Variants in C1orf54 observed in about 807,000 individuals in gnomAD.
C1orf54 encodes the protein chromosome 1 open reading frame 54, also known as uncharacterized protein C1orf54.
In C1orf54, 12 loss-of-function variants were observed where a neutral mutation model predicts 14.7. That is an observed-to-expected ratio of 0.82 (90% CI 0.52 to 1.32). The LOEUF is 1.32. Ranked by LOEUF, C1orf54 falls within the 40% of genes most tolerant of loss-of-function variation. The pLI is 0.00. For synonymous variants in C1orf54, 65 were observed against 56.3 expected, an observed-to-expected ratio of 1.16 and a Z score of -0.70; for missense variants, 163 against 162.2, an observed-to-expected ratio of 1.00 and a Z score of -0.03.
At chr1:150,275,831 A>G in intron 3 of C1orf54, 32 bp downstream of exon 3, 2 of 1,570,612 alleles carry the variant, frequency 1.3e-6, no homozygotes, top group Non-Finnish European at 1.7e-6. Context: ...AAGGGTTAGG[A>G]TAAGTAACAA....
intron 3 of C1orf54, among the ~76,000 whole-genome samples, chr1:150,276,068 G>A (rs193099908): frequency 7.0e-4 from 107 of 152,050 alleles, no homozygotes; most frequent in Non-Finnish European, 9.3e-4. Context: ...GAATCCGGGA[G>A]ATGGAGGACG....
chr1:150,273,219 G>A (rs1553851664), intron 1 of C1orf54, among the ~76,000 whole-genome samples: 2 of 152,124 alleles, frequency 1.3e-5, no homozygotes, highest in African/African-American at 4.8e-5. Flanking sequence ...TAGTAGTTAG[G>A]GTATCTCCTT....
rs1184888246 is a variant in C1orf54 at position 150,274,091 on chromosome 1, A to G, written c.51A>G (p.Gln17=). The change falls in exon 2 of 6, where the codon CAA becomes CAG. Residue 17 remains glutamine, a synonymous_variant. Transcript: ENST00000369099. ...AIFAVPLILG[Q]EYEDEERLGE... ...CTCTAGTCCTTGTCCCCATAGGACA[A>G]GAATATGAGGATGAAGAAAGACTGG... 1 of 1,610,184 alleles carries G rather than the reference A, an allele frequency of 6.2e-7. No individual in the cohort carries two copies. Among genetic ancestry groups the G allele is most frequent in the African/African-American group, 1.3e-5 (1 of 74,830 alleles).
chr1:150,272,965 G>A lies in C1orf54; in HGVS notation c.46+102G>A, dbSNP rs1267685886. 1.0e-5 allele frequency: 13 copies of A among 1,288,128 alleles called. No individual in the cohort carries two copies. The East Asian group carries it at 2.3e-4, about 23-fold the overall frequency. The allele number at this position is 1,288,128 out of a possible 1,614,324, so 79.8% of individuals were successfully genotyped here. A position where few individuals can be genotyped will look rare whatever the true frequency, so the allele number is the denominator to read the frequency against. ...TGGGTGAGAGGTACATTTCAGTGGG[G>A]AGCGATAGAGTTTTCTCATCGTGCT... On this transcript the variant is annotated intron_variant, in intron 1 of 5. Transcript: ENST00000369099.
chr1:150,269,149 T>A, upstream of C1orf54: 1 of 264,850 alleles, frequency 3.8e-6, no homozygotes, highest in African/African-American at 2.2e-5. Context: ...GGCCTTGACT[T>A]CGTCCTGGGA....
At position 150,279,630 on chromosome 1, in the gene C1orf54, G is replaced by A. The variant is rs200158990; in HGVS notation, c.301-13G>A. The A allele has an allele frequency of 1.2e-5, 19 of 1,603,964 alleles. No homozygotes were observed. The Middle Eastern group carries it at 8.3e-4, about 70-fold the overall frequency. On this transcript the variant is annotated splice_polypyrimidine_tract_variant and intron_variant, in intron 4 of 5. Transcript: ENST00000369099. ...CACCAGCCTACTGTGTGGGGATGTCGGTATTTTAGCAGAGTCCAGATCTGA... is the reference window on the plus strand; with the variant it reads ...CACCAGCCTACTGTGTGGGGATGTCAGTATTTTAGCAGAGTCCAGATCTGA...
chr1:150,269,770 G>A (rs892617142), upstream of C1orf54, among the ~76,000 whole-genome samples: 1 of 152,076 alleles, frequency 6.6e-6, no homozygotes, highest in South Asian at 2.1e-4. Context: ...GTGAATGAAA[G>A]TTAAAGTAGG....
chr1:150,274,599 C>CAAA lies in C1orf54; in HGVS notation c.130+439_130+441dup, dbSNP rs782444221. On this transcript the variant is annotated intron_variant, in intron 2 of 5. Coordinates refer to ENST00000369099, the MANE Select transcript of C1orf54 (RefSeq NM_024579.4). Reference sequence around the variant, plus strand: ...TGGGTGACAGAGCAAGACTCCATCTCAAAAAAAAAAAATGAAAAAAGATTT... The same window carrying CAAA: ...TGGGTGACAGAGCAAGACTCCATCTCAAAAAAAAAAAAAAATGAAAAAAGATTT... Among the ~76,000 whole-genome samples the CAAA allele has an allele frequency of 7.8e-3, 1,058 of 135,364 alleles. 9 individuals are homozygous for CAAA. The highest frequency in any genetic ancestry group is 0.012 in the African/African-American group (426 of 35,816). 88.8% of individuals were successfully genotyped at this position (135,364 alleles called of 152,430 possible).
In C1orf54 at chr1:150,275,800, G is replaced by C. The variant is rs1560043247; in HGVS notation, c.189+1G>C. ...CATATTTGAGTCAGAGGACAGGCTG[G>C]TGAGTGAACTCTACATCTAAAAGGG... On this transcript the variant is annotated splice_donor_variant, in intron 3 of 5. Coordinates refer to ENST00000369099, the MANE Select transcript of C1orf54 (RefSeq NM_024579.4). LOFTEE classifies it high-confidence loss of function. 6.2e-7 allele frequency: 1 copy of C among 1,608,184 alleles called. No homozygotes were observed. The highest frequency in any genetic ancestry group is 1.7e-4 in the Middle Eastern group (1 of 6,048).
chr1:150,274,071 G>C lies in C1orf54; in HGVS notation c.47-16G>C. 6.3e-7 allele frequency: 1 copy of C among 1,582,714 alleles called. No individual in the cohort carries two copies. Among genetic ancestry groups the C allele is most frequent in the Non-Finnish European group, 8.7e-7 (1 of 1,151,912 alleles). ...TGTTCCAGATGTCCCTTGACCTCTA[G>C]TCCTTGTCCCCATAGGACAAGAATA... On this transcript the variant is annotated splice_polypyrimidine_tract_variant and intron_variant, in intron 1 of 5. Transcript: ENST00000369099.
intron 4 of C1orf54, among the ~76,000 whole-genome samples, chr1:150,277,159 A>C (rs1319076898): frequency 6.6e-6 from 1 of 152,184 alleles, no homozygotes; most frequent in African/African-American, 2.4e-5. Context: ...ATTGGTGGGT[A>C]GTTATGGAAG....
At chr1:150,275,169 G>A (rs1303890392) in intron 2 of C1orf54, among the ~76,000 whole-genome samples, 4 of 151,518 alleles carry the variant, frequency 2.6e-5, no homozygotes, top group African/African-American at 7.3e-5. Context: ...CTCCTAGGTA[G>A]CTGGGACTAC....
At chr1:150,273,952 C>G (rs781938287) in intron 1 of C1orf54, 135 bp from the exon 2 acceptor site, 1 of 660,198 alleles carries the variant, frequency 1.5e-6, no homozygotes, top group Non-Finnish European at 2.7e-6. Flanking sequence ...AGGAGTATGA[C>G]TATTGGAGGA....
At chr1:150,276,391 G>C (rs142381327) in intron 3 of C1orf54, 131 bp from the exon 4 acceptor site, 1 of 697,386 alleles carries the variant, frequency 1.4e-6, no homozygotes, top group Non-Finnish European at 2.5e-6. Flanking sequence ...ATAGGGTAGG[G>C]GGGAATCCCT....
intron 1 of C1orf54, 130 bp downstream of exon 1, chr1:150,272,993 G>C (rs782358501): frequency 2.6e-5 from 28 of 1,065,106 alleles, no homozygotes; most frequent in Non-Finnish European, 3.8e-5. Flanking sequence ...ATCGTGCTGG[G>C]GTCCGGTGTT....
At chr1:150,277,760 T>C (rs1465491947) in intron 4 of C1orf54, among the ~76,000 whole-genome samples, 1 of 152,084 alleles carries the variant, frequency 6.6e-6, no homozygotes, top group Non-Finnish European at 1.5e-5. Context: ...ACAAGGAGCC[T>C]AGTAAGTTCT....
intron 3 of C1orf54, among the ~76,000 whole-genome samples, chr1:150,276,241 G>C (rs782349729): frequency 6.6e-5 from 10 of 152,118 alleles, no homozygotes; most frequent in Non-Finnish European, 1.3e-4. Context: ...CTAAGTAGTA[G>C]GCCCAAAACA....
chr1:150,276,340 C>G (rs930280120), intron 3 of C1orf54, among the ~76,000 whole-genome samples, 182 bp from the exon 4 acceptor site: 3 of 152,052 alleles, frequency 2.0e-5, no homozygotes, highest in Non-Finnish European at 4.4e-5. Flanking sequence ...GGAGGGGCAT[C>G]AAGGGACTTT....
chr1:150,275,698 A>T (rs782175311), intron 2 of C1orf54, 43 bp from the exon 3 acceptor site: 2 of 1,487,644 alleles, frequency 1.3e-6, no homozygotes, highest in Admixed American at 3.4e-5. Flanking sequence ...ATCTAGAGTT[A>T]CATTTTTCTT....
Sources: allele counts gnomAD v4.1 joint callset (sites outside exome capture counted in the v4.1 genomes callset), GRCh38; gene constraint gnomAD v4.1.1; transcripts MANE v1.5; gene names NCBI Gene and HGNC (gene_info 2026-07-23, HGNC 2026-07-21).